Variants in RANBP2 observed in about 807,000 individuals in gnomAD.
The protein encoded by RANBP2 is RAN binding protein 2, also known as E3 SUMO-protein ligase RanBP2.
Under a neutral mutation model 303.6 loss-of-function variants are expected in RANBP2, and 57 were observed. The observed-to-expected ratio is 0.19, with a 90% CI of 0.15 to 0.23. RANBP2 has a LOEUF of 0.23. Among genes scored for constraint, RANBP2 ranks in the 10% least tolerant of loss-of-function variants. The pLI is 1.00. For synonymous variants in RANBP2, 1,167 were observed against 1,301.5 expected, an observed-to-expected ratio of 0.90 and a Z score of 2.23; for missense variants, 3,138 against 3,780.8, an observed-to-expected ratio of 0.83 and a Z score of 4.46.
the RANBP2 span, among the ~76,000 whole-genome samples, chr2:109,700,890 G>A: frequency 1.3e-5 from 2 of 152,106 alleles, no homozygotes; most frequent in African/African-American, 2.4e-5. Context: ...CCTAGCAACA[G>A]GTGGGAAGGT....
the RANBP2 span, among the ~76,000 whole-genome samples, chr2:109,648,740 G>T: frequency 5.0e-4 from 74 of 149,450 alleles, no homozygotes; most frequent in African/African-American, 1.8e-3. Flanking sequence ...ATCAACCCCT[G>T]CCGCCTGGGT....
chr2:109,543,497 T>C, the RANBP2 span: 15 of 152,294 alleles, frequency 9.8e-5, no homozygotes, highest in African/African-American at 3.4e-4. Flanking sequence ...ATTGGGTAAT[T>C]GTATAAAAAA....
chr2:109,067,705 C>T, the RANBP2 span, among the ~76,000 whole-genome samples: 2 of 152,214 alleles, frequency 1.3e-5, no homozygotes, highest in Non-Finnish European at 2.9e-5. Context: ...CTCCCCAAAC[C>T]ACCCTCTCCT....
At chr2:108,787,936 T>A, downstream of RANBP2, 1 of 1,070,950 alleles carries the variant, frequency 9.3e-7, no homozygotes, top group Non-Finnish European at 1.3e-6. Flanking sequence ...TTCTCCACTC[T>A]AACCTTTGTA....
chr2:109,659,369 C>A, the RANBP2 span, among the ~76,000 whole-genome samples: 2 of 152,108 alleles, frequency 1.3e-5, no homozygotes, highest in African/African-American at 4.8e-5. Context: ...AGATTTCATC[C>A]CCCCCAAAAA....
the RANBP2 span, among the ~76,000 whole-genome samples, chr2:109,429,573 C>T: frequency 6.6e-6 from 1 of 152,074 alleles, no homozygotes; most frequent in Non-Finnish European, 1.5e-5. Flanking sequence ...ATACCCCATT[C>T]AGGACCCCAG....
the RANBP2 span, among the ~76,000 whole-genome samples, chr2:108,827,999 G>A: frequency 2.6e-5 from 4 of 151,842 alleles, no homozygotes; most frequent in African/African-American, 9.7e-5. Context: ...AACAGAACGT[G>A]ACCACAAAAA....
chr2:109,564,875 G>C, the RANBP2 span, among the ~76,000 whole-genome samples: 1 of 152,166 alleles, frequency 6.6e-6, no homozygotes, highest in South Asian at 2.1e-4. Flanking sequence ...AAACTATCCT[G>C]AAGACATTTC....
the RANBP2 span, among the ~76,000 whole-genome samples, chr2:109,334,172 A>G: frequency 7.2e-4 from 110 of 152,250 alleles, no homozygotes; most frequent in African/African-American, 2.5e-3. Context: ...GGGCTGTAAC[A>G]TGGTGAGACC....
the RANBP2 span, among the ~76,000 whole-genome samples, chr2:109,073,957 C>G: frequency 5.0e-3 from 753 of 150,608 alleles, 14 homozygotes; most frequent in African/African-American, 0.017. Context: ...GTTACAAAGC[C>G]TATCAATGCA....
At chr2:109,439,405 C>T in the RANBP2 span, among the ~76,000 whole-genome samples, 2 of 152,112 alleles carry the variant, frequency 1.3e-5, no homozygotes, top group Non-Finnish European at 2.9e-5. Context: ...GCGGCATTTT[C>T]CACTTCATTC....
chr2:108,987,096 A>G, the RANBP2 span, among the ~76,000 whole-genome samples: 1 of 152,226 alleles, frequency 6.6e-6, no homozygotes, highest in East Asian at 1.9e-4. Flanking sequence ...TGAGCCACTT[A>G]AGCAGCAAGG....
At chr2:109,439,351 C>T in the RANBP2 span, among the ~76,000 whole-genome samples, 1 of 152,180 alleles carries the variant, frequency 6.6e-6, no homozygotes, top group African/African-American at 2.4e-5. Context: ...TAAAGAATGA[C>T]TCCTACTGAG....
chr2:109,057,955 G>A, the RANBP2 span, among the ~76,000 whole-genome samples: 2 of 152,212 alleles, frequency 1.3e-5, no homozygotes, highest in Non-Finnish European at 2.9e-5. Flanking sequence ...TGCTGATTAA[G>A]CGCTTATGTG....
At chr2:109,406,065 C>T in the RANBP2 span, among the ~76,000 whole-genome samples, 2 of 152,208 alleles carry the variant, frequency 1.3e-5, no homozygotes, top group African/African-American at 2.4e-5. Context: ...GTGTCCAGGG[C>T]GTGCAGCCGG....
At chr2:109,294,551 A>G in the RANBP2 span, among the ~76,000 whole-genome samples, 5 of 147,190 alleles carry the variant, frequency 3.4e-5, no homozygotes, top group Non-Finnish European at 3.0e-5. Flanking sequence ...ATAGAGGGAG[A>G]CTCAGTCTCA....
chr2:108,720,188 G>C (rs1694120114), intron 1 of RANBP2: 1 of 982,004 alleles, frequency 1.0e-6, no homozygotes. Flanking sequence ...GCATCTCAGC[G>C]CGGACATTTG....
chr2:109,268,329 A>C, the RANBP2 span, among the ~76,000 whole-genome samples: 1 of 151,760 alleles, frequency 6.6e-6, no homozygotes, highest in African/African-American at 2.4e-5. Context: ...CCCCTCACCC[A>C]CAAGGACTGG....
chr2:109,056,986 T>A, the RANBP2 span, among the ~76,000 whole-genome samples: 2 of 152,226 alleles, frequency 1.3e-5, no homozygotes, highest in South Asian at 4.1e-4. Context: ...TGTTCCTGTT[T>A]TTCAGTCTCT....
Sources: allele counts gnomAD v4.1 joint callset (sites outside exome capture counted in the v4.1 genomes callset), GRCh38; gene constraint gnomAD v4.1.1; transcripts MANE v1.5; gene names NCBI Gene and HGNC (gene_info 2026-07-23, HGNC 2026-07-21).